Variants in IPO7 observed in about 807,000 individuals in gnomAD.
IPO7 encodes importin-7.
In IPO7, 13 loss-of-function variants were observed where a neutral mutation model predicts 136.4. The observed-to-expected ratio is 0.10, with a 90% CI of 0.06 to 0.15. The LOEUF (loss-of-function observed/expected upper bound fraction) is 0.15, where lower values mean the gene tolerates loss of function less well. IPO7 is among the 10% of genes least tolerant of loss of function. The probability of loss-of-function intolerance (pLI) is 1.00; values close to 1 mark genes in which losing one functional copy is unlikely to be tolerated. For missense variants in IPO7, 857 were observed against 1,240.6 expected (o/e 0.69, Z 4.65); for synonymous variants, 403 against 404.4 (o/e 1.00, Z 0.04).
At chr11:9,400,919 C>T (rs922414889) in intron 1 of IPO7, among the ~76,000 whole-genome samples, 4 of 151,786 alleles carry the variant, frequency 2.6e-5, no homozygotes, top group African/African-American at 7.3e-5. Flanking sequence ...AGGTGGCTCC[C>T]CCCTGTAATC....
chr11:9,437,599 T>C (rs1461339913), intron 20 of IPO7, among the ~76,000 whole-genome samples, 155 bp from the exon 21 acceptor site: 1 of 152,248 alleles, frequency 6.6e-6, no homozygotes. Context: ...AGACTTTCTC[T>C]AAAATTAGAT....
Position 9,384,973 on chromosome 11 carries a change from A to G in IPO7, c.84+126A>G, listed in dbSNP as rs958442131. The stretch of plus-strand genomic sequence containing the variant: ...GGGTCCCAGCAGGAGGGTGGGGCGG[A>G]CATCTGACGGCGACTTCCACGCCGG... On this transcript the variant is annotated intron_variant, in intron 1 of 24. Coordinates refer to ENST00000379719, the MANE Select transcript of IPO7 (RefSeq NM_006391.3). The G allele has an allele frequency of 7.6e-5, 53 of 696,230 alleles. No homozygotes were observed. In the African/African-American group the frequency reaches 9.4e-4, roughly 12 times the overall value. 43.1% of individuals were successfully genotyped at this position (696,230 alleles called of 1,614,324 possible). A position where few individuals can be genotyped will look rare whatever the true frequency, so the allele number is the denominator to read the frequency against.
In IPO7 at chr11:9,430,478, G is replaced by T. The variant is rs537489758; in HGVS notation, c.1753-397G>T. Reference sequence around the variant, plus strand: ...GTGCCCTGGAATGCTCAAAATAATCGATTGAATTTTACAAAAGATAAATCA... The same window carrying T: ...GTGCCCTGGAATGCTCAAAATAATCTATTGAATTTTACAAAAGATAAATCA... On this transcript the variant is annotated intron_variant, in intron 15 of 24. Transcript: ENST00000379719. The T allele has an allele frequency of 4.2e-5, 7 of 167,388 alleles. No individual in the cohort carries two copies. In the East Asian group the frequency reaches 1.2e-3, roughly 29 times the overall value. 10.4% of individuals were successfully genotyped at this position (167,388 alleles called of 1,614,324 possible).
chr11:9,404,269 T>C (rs550323582), intron 2 of IPO7, among the ~76,000 whole-genome samples: 5 of 152,060 alleles, frequency 3.3e-5, no homozygotes, highest in South Asian at 2.1e-4. Context: ...ATCGAGACCA[T>C]CCTGGCTAAC....
chr11:9,389,990 C>A (rs1303166927), intron 1 of IPO7, among the ~76,000 whole-genome samples: 1 of 152,158 alleles, frequency 6.6e-6, no homozygotes, highest in Admixed American at 6.5e-5. Flanking sequence ...CTCCTCACTG[C>A]AGGTGATTGC....
chr11:9,401,194 A>C (rs1854790502), intron 1 of IPO7, among the ~76,000 whole-genome samples: 1 of 152,052 alleles, frequency 6.6e-6, no homozygotes, highest in African/African-American at 2.4e-5. Flanking sequence ...AAAAAAAAAA[A>C]GAAGATACTA....
Position 9,429,014 on chromosome 11 carries a change from CTG to C in IPO7, c.1426-13_1426-12del. On this transcript the variant is annotated splice_polypyrimidine_tract_variant and intron_variant, in intron 13 of 24. Transcript: ENST00000379719. The stretch of plus-strand genomic sequence containing the variant: ...AAGGTAAGGTATCTACAGTAACTCA[CTG>C]TGTTTTTACAAAAGGCTTGCTGGGT... 1.2e-6 allele frequency: 2 copies of C among 1,608,650 alleles called. No individual in the cohort carries two copies. Among genetic ancestry groups the C allele is most frequent in the Non-Finnish European group, 1.7e-6 (2 of 1,175,294 alleles).
chr11:9,392,263 C>T (rs1031525721), intron 1 of IPO7: 5 of 323,830 alleles, frequency 1.5e-5, no homozygotes, highest in African/African-American at 4.6e-5. Flanking sequence ...CCACAACCTC[C>T]GCCTCCCGGA....
chr11:9,423,546 G>A (rs903088875), intron 9 of IPO7, among the ~76,000 whole-genome samples: 5 of 152,044 alleles, frequency 3.3e-5, no homozygotes, highest in African/African-American at 1.2e-4. Flanking sequence ...TATATATTTA[G>A]AATACTTAAT....
intron 5 of IPO7, 80 bp from the exon 6 acceptor site, chr11:9,416,979 G>T (rs567050331): frequency 2.0e-5 from 12 of 611,162 alleles, no homozygotes; most frequent in Non-Finnish European, 3.2e-5. Context: ...AATACTTTTG[G>T]TAGGTATTGT....
rs182708414 is a variant in IPO7, at chr11:9,415,605, G to A, written c.636+1194G>A. Among the ~76,000 whole-genome samples the A allele has an allele frequency of 1.8e-3, 278 of 152,258 alleles. 1 individual carries two copies. Among genetic ancestry groups the A allele is most frequent in the African/African-American group, 6.5e-3 (269 of 41,552 alleles). On this transcript the variant is annotated intron_variant, in intron 5 of 24. Transcript: ENST00000379719. The stretch of plus-strand genomic sequence containing the variant: ...TGTAATCCCAGCACTTTGGGAGGCC[G>A]AGGCGGGCGGATCACGAGGTCAGGA...
Position 9,403,315 on chromosome 11 carries a change from C to T in IPO7, c.110C>T (p.Ser37Leu). 6.2e-7 allele frequency: 1 copy of T among 1,613,614 alleles called. No individual in the cohort carries two copies. The highest frequency in any genetic ancestry group is 8.5e-7 in the Non-Finnish European group (1 of 1,179,736). ...GCACACAAGTCTCTGAATTTTGTCT[C>T]AACACTGCTCCAGATTACTATGTCG... Reference protein sequence around the residue: ...NEAHKSLNFVSTLLQITMSEQ... With the variant: ...NEAHKSLNFVLTLLQITMSEQ... The change falls in exon 2 of 25, where the codon TCA (serine) becomes TTA (leucine). Residue 37 changes from serine to leucine, a missense_variant. Transcript: ENST00000379719.
intron 3 of IPO7, among the ~76,000 whole-genome samples, chr11:9,408,933 C>G (rs185018810): frequency 1.3e-5 from 2 of 151,220 alleles, no homozygotes; most frequent in Admixed American, 6.6e-5. Context: ...AGGATGGTCT[C>G]GATTTCCTGA....
chr11:9,433,406 A>C (rs1426293295), intron 16 of IPO7, 164 bp from the exon 17 acceptor site: 1 of 550,384 alleles, frequency 1.8e-6, no homozygotes, highest in Non-Finnish European at 3.2e-6. Context: ...TTCTATTTTT[A>C]TCTGAGATCA....
intron 5 of IPO7, among the ~76,000 whole-genome samples, chr11:9,414,785 C>T (rs1855018275): frequency 1.3e-5 from 2 of 151,674 alleles, no homozygotes; most frequent in African/African-American, 4.8e-5. Flanking sequence ...GCCACCACAC[C>T]TGGCTAATTT....
chr11:9,428,342 A>G (rs1470247429), intron 12 of IPO7, among the ~76,000 whole-genome samples, 198 bp from the exon 13 acceptor site: 2 of 152,232 alleles, frequency 1.3e-5, no homozygotes, highest in Non-Finnish European at 2.9e-5. Context: ...CAAGGAATAT[A>G]AAAACGTGAA....
chr11:9,404,322 G>T (rs979769518), intron 2 of IPO7, among the ~76,000 whole-genome samples: 1 of 151,490 alleles, frequency 6.6e-6, no homozygotes, highest in Non-Finnish European at 1.5e-5. Context: ...AGAATTAGCC[G>T]GGCGTGGTGG....
At chr11:9,430,252 C>T (rs181926413) in intron 15 of IPO7, 84 of 158,390 alleles carry the variant, frequency 5.3e-4, no homozygotes, top group Non-Finnish European at 5.5e-5. Context: ...CTGTGTAGCA[C>T]GTAAAGCCCT....
At chr11:9,410,152 A>G (rs1176163227) in intron 4 of IPO7, 66 bp downstream of exon 4, 1 of 1,074,856 alleles carries the variant, frequency 9.3e-7, no homozygotes, top group African/African-American at 1.6e-5. Flanking sequence ...ATTTAAGCCA[A>G]TTTGAACATG....
Sources: gnomAD v4.1 joint callset for allele counts (sites outside exome capture counted in the v4.1 genomes callset) on GRCh38, gnomAD v4.1.1 for gene constraint, MANE v1.5 for transcripts, NCBI Gene and HGNC (gene_info 2026-07-23, HGNC 2026-07-21) for gene names.